The following ACSM3 variants were observed in gnomAD, a reference collection of about 807,000 sequenced individuals.
The protein encoded by ACSM3 is acyl-coenzyme A synthetase ACSM3, mitochondrial.
In ACSM3, 61 loss-of-function variants were observed where a neutral mutation model predicts 74.1. That is an observed-to-expected ratio of 0.82 (90% confidence interval 0.67 to 1.02). The LOEUF (loss-of-function observed/expected upper bound fraction) is 1.02, where lower values mean the gene tolerates loss of function less well. Among genes scored for constraint, ACSM3 ranks in the 50% least tolerant of loss-of-function variants. ACSM3 has a pLI of 0.00. For missense variants in ACSM3, 660 were observed against 697.0 expected (o/e 0.95, Z 0.60); for synonymous variants, 213 against 241.5 (o/e 0.88, Z 1.09).
At chr16:20,767,823 A>G (rs1228099833) in intron 1 of ACSM3, among the ~76,000 whole-genome samples, 1 of 152,214 alleles carries the variant, frequency 6.6e-6, no homozygotes, top group African/African-American at 2.4e-5. Context: ...CTGTTTTTGT[A>G]TAGCCTTTGA....
At chr16:20,723,244 C>T (rs9921094) in intron 1 of ACSM3, among the ~76,000 whole-genome samples, 103,860 of 151,860 alleles carry the variant, frequency 0.68, 35,980 homozygotes, top group Non-Finnish European at 0.73. Context: ...TAGCATTCCA[C>T]GGTGTATATG....
In ACSM3 at chr16:20,781,059, T is replaced by C. The variant is rs747048651; in HGVS notation, c.868T>C (p.Ser290Pro). 11 of 1,614,202 alleles carry C rather than the reference T, an allele frequency of 6.8e-6. No individual in the cohort carries two copies. The highest frequency in any genetic ancestry group is 9.3e-6 in the Non-Finnish European group (11 of 1,180,022). The change falls in exon 6 of 14, where the codon TCT (serine) becomes CCT (proline). Residue 290 changes from serine to proline, a missense_variant. Coordinates refer to ENST00000289416, the MANE Select transcript of ACSM3 (RefSeq NM_005622.4). ...AAAGTCTGCATGGAGTAGTGTTTTTTCTCCGTGGATCCAGGGAGCATGTGT... is the reference window on the plus strand; with the variant it reads ...AAAGTCTGCATGGAGTAGTGTTTTTCCTCCGTGGATCCAGGGAGCATGTGT... ...WAKSAWSSVF[S>P]PWIQGACVFT... is the part of the protein sequence containing the mutation.
intron 1 of ACSM3, chr16:20,685,309 C>A (rs369139443): frequency 1.9e-6 from 3 of 1,614,190 alleles, no homozygotes; most frequent in East Asian, 2.2e-5. Flanking sequence ...GGCTACACGG[C>A]GGGTTAGGTC....
At chr16:20,758,975 T>C (rs2080054099) in intron 3 of ACSM3, among the ~76,000 whole-genome samples, 1 of 152,178 alleles carries the variant, frequency 6.6e-6, no homozygotes, top group Non-Finnish European at 1.5e-5. Flanking sequence ...TCTAGTTTGA[T>C]TGCACTGTGG....
chr16:20,718,446 C>T (rs1171143271), intron 1 of ACSM3: 5 of 568,294 alleles, frequency 8.8e-6, no homozygotes, highest in Non-Finnish European at 1.3e-5. Context: ...CTAAGATGGC[C>T]CAGCACTCTC....
At chr16:20,776,649 A>G (rs1174135082) in intron 3 of ACSM3, among the ~76,000 whole-genome samples, 1 of 152,184 alleles carries the variant, frequency 6.6e-6, no homozygotes, top group East Asian at 1.9e-4. Flanking sequence ...TCCCCTAATT[A>G]TCCTATAAAA....
At chr16:20,796,231 A>C in intron 12 of ACSM3, 139 bp from the exon 13 acceptor site, 1 of 1,397,064 alleles carries the variant, frequency 7.2e-7, no homozygotes, top group Non-Finnish European at 9.4e-7. Context: ...GCTTAAGAGC[A>C]CAGAGCTGGG....
chr16:20,722,886 CTTTTT>C (rs777387777), intron 1 of ACSM3, among the ~76,000 whole-genome samples: 3 of 152,062 alleles, frequency 2.0e-5, no homozygotes, highest in Non-Finnish European at 4.4e-5. Flanking sequence ...TATTTGTTTT[CTTTTT>C]ATTAGTATTA....
intron 12 of ACSM3, among the ~76,000 whole-genome samples, chr16:20,795,776 TGACAG>T (rs2080710486): frequency 6.6e-6 from 1 of 152,062 alleles, no homozygotes; most frequent in Admixed American, 6.5e-5. Flanking sequence ...GGAGAGAAAA[TGACAG>T]GACTCCAAAT....
intron 3 of ACSM3, among the ~76,000 whole-genome samples, chr16:20,776,350 T>C (rs2080255392): frequency 6.6e-6 from 1 of 152,190 alleles, no homozygotes; most frequent in Non-Finnish European, 1.5e-5. Context: ...AGAACCCTGA[T>C]GGAGAGGCCT....
chr16:20,696,401 A>G (rs1381752471), intron 1 of ACSM3, among the ~76,000 whole-genome samples: 1 of 152,222 alleles, frequency 6.6e-6, no homozygotes, highest in Non-Finnish European at 1.5e-5. Context: ...GTAAGTGCTC[A>G]ACAAAAAGTT....
At chr16:20,767,782 T>C (rs897796189) in intron 1 of ACSM3, among the ~76,000 whole-genome samples, 20 of 152,298 alleles carry the variant, frequency 1.3e-4, no homozygotes, top group Admixed American at 2.0e-4. Flanking sequence ...ATCAGCAAAC[T>C]GTAGCCCATG....
Position 20,796,990 on chromosome 16 carries a change from C to A in ACSM3, c.*18C>A. On this transcript the variant is annotated 3_prime_UTR_variant, in exon 14 of 14. Transcript: ENST00000289416. ...CAATTTAAAGTTGTTTCATTAATTA[C>A]CATATCTATAAAACAAACATAGTAT... 5.0e-6 allele frequency: 8 copies of A among 1,608,520 alleles called. No individual in the cohort carries two copies. The highest frequency in any genetic ancestry group is 6.8e-6 in the Non-Finnish European group (8 of 1,178,050).
chr16:20,730,291 A>G (rs767612229), intron 1 of ACSM3, among the ~76,000 whole-genome samples: 12 of 152,170 alleles, frequency 7.9e-5, no homozygotes, highest in Non-Finnish European at 1.6e-4. Context: ...CTGTCATGGA[A>G]CTCAGAATAC....
chr16:20,691,267 C>T (rs1490856546), intron 1 of ACSM3: 3 of 1,235,708 alleles, frequency 2.4e-6, no homozygotes, highest in Non-Finnish European at 2.2e-6. Context: ...AATAGATTGG[C>T]TGTGTATCCA....
At chr16:20,734,839 G>T (rs1332655482) in intron 1 of ACSM3, 1 of 152,216 alleles carries the variant, frequency 6.6e-6, no homozygotes, top group Non-Finnish European at 1.5e-5. Flanking sequence ...AGGACTGTCA[G>T]ACTAGGGCTG....
intron 1 of ACSM3, among the ~76,000 whole-genome samples, chr16:20,724,308 A>G (rs2079797012): frequency 6.6e-6 from 1 of 152,268 alleles, no homozygotes; most frequent in East Asian, 1.9e-4. Context: ...GATGCAGAAA[A>G]GGCCTTTGAC....
chr16:20,715,327 G>C (rs2079757797), intron 1 of ACSM3, among the ~76,000 whole-genome samples: 1 of 152,228 alleles, frequency 6.6e-6, no homozygotes, highest in South Asian at 2.1e-4. Context: ...CTGTTCGACA[G>C]TCATGGTGGC....
intron 1 of ACSM3, chr16:20,739,175 G>GT: frequency 1.9e-6 from 2 of 1,066,136 alleles, no homozygotes; most frequent in Non-Finnish European, 2.5e-6. Context: ...GCTCAGTATT[G>GT]ATTTTTTTTT....
Sources: gnomAD v4.1 joint callset for allele counts (sites outside exome capture counted in the v4.1 genomes callset) on GRCh38, gnomAD v4.1.1 for gene constraint, MANE v1.5 for transcripts, NCBI Gene and HGNC (gene_info 2026-07-23, HGNC 2026-07-21) for gene names.